Variants in CNTNAP2 observed in about 807,000 individuals in gnomAD.
CNTNAP2 encodes contactin-associated protein-like 2.
CNTNAP2 carries 98 observed loss-of-function variants against 155.2 expected under a neutral mutation model. The observed-to-expected ratio is 0.63, with a 90% CI of 0.54 to 0.75. The LOEUF is 0.75. Ranked by LOEUF, CNTNAP2 falls within the 30% of genes least tolerant of loss-of-function variation. CNTNAP2 has a pLI of 0.00. For synonymous variants in CNTNAP2, 651 were observed against 631.2 expected (o/e 1.03, Z -0.47); for missense variants, 1,727 against 1,688.1 (o/e 1.02, Z -0.40).
intron 9 of CNTNAP2, among the ~76,000 whole-genome samples, chr7:147,321,320 G>A (rs936167903): frequency 6.6e-6 from 1 of 152,146 alleles, no homozygotes. Context: ...CTTACCTGAA[G>A]GTTATGAAAG....
intron 15 of CNTNAP2, among the ~76,000 whole-genome samples, chr7:148,071,344 G>A (rs1321337454): frequency 1.3e-5 from 2 of 152,168 alleles, no homozygotes; most frequent in East Asian, 3.9e-4. Flanking sequence ...GCTGGGCATA[G>A]CAGCAGGTGC....
rs1365562206 is a variant in CNTNAP2 at position 147,818,125 on chromosome 7, TATA to T, written c.2099-85436_2099-85434del. Among the ~76,000 whole-genome samples, 12 of 152,122 alleles carry T rather than the reference TATA, an allele frequency of 7.9e-5. 1 individual carries two copies. In the East Asian group the frequency reaches 2.3e-3, roughly 29 times the overall value. On this transcript the variant is annotated intron_variant, in intron 13 of 23. Coordinates refer to ENST00000361727, the MANE Select transcript of CNTNAP2 (RefSeq NM_014141.6). ...AAAACCATTGTTTTCTACAAAGAGG[TATA>T]ATATTATTGTGTGGTTGCTCTGTGA...
At chr7:148,115,301 C>T (rs572157928) in intron 15 of CNTNAP2, among the ~76,000 whole-genome samples, 7 of 152,288 alleles carry the variant, frequency 4.6e-5, no homozygotes, top group African/African-American at 1.7e-4. Flanking sequence ...TTACTTTTAG[C>T]TTTCCTTTTT....
chr7:146,747,322 A>G (rs1414973038), intron 1 of CNTNAP2, among the ~76,000 whole-genome samples: 1 of 152,210 alleles, frequency 6.6e-6, no homozygotes, highest in Non-Finnish European at 1.5e-5. Flanking sequence ...AGAGAGATTA[A>G]GGATATGGCG....
chr7:146,645,670 T>C (rs1428734501), intron 1 of CNTNAP2, among the ~76,000 whole-genome samples: 1 of 152,230 alleles, frequency 6.6e-6, no homozygotes, highest in African/African-American at 2.4e-5. Context: ...ACCATATAGG[T>C]GACCCATTGA....
intron 1 of CNTNAP2, among the ~76,000 whole-genome samples, chr7:146,321,899 A>G (rs1207377440): frequency 6.6e-6 from 1 of 152,156 alleles, no homozygotes; most frequent in Non-Finnish European, 1.5e-5. Context: ...TTTTTTTCAC[A>G]GCAATTTTAC....
intron 1 of CNTNAP2, among the ~76,000 whole-genome samples, chr7:146,362,860 T>C (rs1435255769): frequency 7.5e-6 from 1 of 133,438 alleles, no homozygotes; most frequent in South Asian, 2.5e-4. Flanking sequence ...AACCCCCGCC[T>C]CCCGGGTTCA....
In CNTNAP2 at chr7:148,077,255, C is replaced by T. The variant is rs751492603; in HGVS notation, c.2384-40863C>T. ...CTGGGAGGTGGATTTTGTGGTGAGC[C>T]GAGATCACGCCATTGCACTCCAGCC... On this transcript the variant is annotated intron_variant, in intron 15 of 23. Transcript: ENST00000361727. Among the ~76,000 whole-genome samples, 7 of 151,028 alleles carry T rather than the reference C, an allele frequency of 4.6e-5. 1 individual carries two copies. The highest frequency in any genetic ancestry group is 6.8e-3 in the Middle Eastern group (2 of 294).
chr7:146,501,275 G>A (rs1177775403), intron 1 of CNTNAP2, among the ~76,000 whole-genome samples: 1 of 152,058 alleles, frequency 6.6e-6, no homozygotes, highest in African/African-American at 2.4e-5. Context: ...TTTTGGAAGT[G>A]TTTGCGAAGG....
chr7:147,608,446 T>C (rs1261285034), intron 12 of CNTNAP2, among the ~76,000 whole-genome samples: 1 of 152,028 alleles, frequency 6.6e-6, no homozygotes, highest in East Asian at 1.9e-4. Flanking sequence ...TATAACCCCA[T>C]GAACTACATT....
intron 1 of CNTNAP2, among the ~76,000 whole-genome samples, chr7:146,180,129 T>G (rs1798529053): frequency 6.6e-6 from 1 of 152,172 alleles, no homozygotes; most frequent in African/African-American, 2.4e-5. Flanking sequence ...AGGGAAAGTT[T>G]AGAAACTCTG....
intron 3 of CNTNAP2, among the ~76,000 whole-genome samples, chr7:146,914,504 G>A (rs542997331): frequency 1.3e-5 from 2 of 152,154 alleles, no homozygotes; most frequent in Admixed American, 6.5e-5. Flanking sequence ...GCAGGACTAA[G>A]AGGGTATCAC....
At chr7:146,616,095 TAGAA>T (rs1219563591) in intron 1 of CNTNAP2, among the ~76,000 whole-genome samples, 5 of 152,056 alleles carry the variant, frequency 3.3e-5, no homozygotes, top group Non-Finnish European at 5.9e-5. Flanking sequence ...CAGTAAAATA[TAGAA>T]AGAGAATCTA....
At chr7:148,355,165 G>GTTTTTTTTT (rs1563055120) in intron 21 of CNTNAP2, among the ~76,000 whole-genome samples, 1 of 27,800 alleles carries the variant, frequency 3.6e-5, no homozygotes, top group Non-Finnish European at 6.2e-5. Context: ...GCCGCCAGCT[G>GTTTTTTTTT]CTTTTTTTTT....
At chr7:148,032,847 A>G (rs1034907570) in intron 15 of CNTNAP2, among the ~76,000 whole-genome samples, 1 of 152,166 alleles carries the variant, frequency 6.6e-6, no homozygotes, top group African/African-American at 2.4e-5. Flanking sequence ...AACACAAAAC[A>G]CACTCTTTAA....
chr7:147,108,983 G>A, intron 5 of CNTNAP2, among the ~76,000 whole-genome samples: 1 of 152,176 alleles, frequency 6.6e-6, no homozygotes, highest in East Asian at 1.9e-4. Flanking sequence ...GACAAAAGAT[G>A]AAGTCCAAGA....
chr7:147,893,678 A>G (rs1437491974), intron 13 of CNTNAP2, among the ~76,000 whole-genome samples: 2 of 152,200 alleles, frequency 1.3e-5, no homozygotes, highest in African/African-American at 4.8e-5. Context: ...CCTTCCCTAT[A>G]CTTACCTCCC....
intron 1 of CNTNAP2, among the ~76,000 whole-genome samples, chr7:146,591,295 G>C (rs1798778474): frequency 6.6e-6 from 1 of 152,006 alleles, no homozygotes; most frequent in Non-Finnish European, 1.5e-5. Flanking sequence ...TTCGGATGAG[G>C]GATACTCAGC....
intron 9 of CNTNAP2, among the ~76,000 whole-genome samples, chr7:147,313,925 C>G (rs982325951): frequency 8.0e-5 from 12 of 150,458 alleles, no homozygotes; most frequent in Admixed American, 2.0e-4. Flanking sequence ...TGTTTGTATC[C>G]TCTTTTATTT....
Sources: gnomAD v4.1 joint callset for allele counts (sites outside exome capture counted in the v4.1 genomes callset) on GRCh38, gnomAD v4.1.1 for gene constraint, MANE v1.5 for transcripts, NCBI Gene and HGNC (gene_info 2026-07-23, HGNC 2026-07-21) for gene names.